Variants in HSPG2 observed in about 807,000 individuals in gnomAD.
The protein encoded by HSPG2 is basement membrane-specific heparan sulfate proteoglycan core protein.
Under a neutral mutation model 526.6 loss-of-function variants are expected in HSPG2, and 278 were observed. That is an observed-to-expected ratio of 0.53 (90% confidence interval 0.48 to 0.58). The LOEUF (loss-of-function observed/expected upper bound fraction) is 0.58, where lower values mean the gene tolerates loss of function less well. HSPG2 is among the 20% of genes least tolerant of loss of function. The pLI is 0.00. For missense variants in HSPG2, 5,354 were observed against 6,099.5 expected, an observed-to-expected ratio of 0.88 and a Z score of 4.07; for synonymous variants, 2,465 against 2,555.4, an observed-to-expected ratio of 0.96 and a Z score of 1.07.
At position 21,833,843 on chromosome 1, in the gene HSPG2, G is replaced by A. The variant is rs758242960; in HGVS notation, c.10803C>T (p.Tyr3601=). 4.4e-6 allele frequency: 7 copies of A among 1,602,612 alleles called. No homozygotes were observed. In the East Asian group the frequency reaches 1.4e-4, roughly 31 times the overall value. ...TGCTCCAGCTGATGTCAGGAGTGGG[G>A]TAGCCTGAGGCTATGCAGGGGAAGA... ...AAVFPCIASG[Y]PTPDISWSKL... is the part of the protein sequence containing the mutation. Residue 3601 remains tyrosine, a synonymous_variant, in exon 78 of 97, where the codon TAC becomes TAT. Transcript: ENST00000374695.
intron 1 of HSPG2, among the ~76,000 whole-genome samples, chr1:21,925,597 T>C (rs954158583): frequency 2.0e-5 from 3 of 152,094 alleles, no homozygotes; most frequent in African/African-American, 7.2e-5. Flanking sequence ...ATCACTGGGT[T>C]GAAATGGAAG....
chr1:21,883,104 C>T (rs1641632113), intron 13 of HSPG2, among the ~76,000 whole-genome samples: 2 of 152,150 alleles, frequency 1.3e-5, no homozygotes, highest in Admixed American at 6.5e-5. Context: ...AGCTCCCCCT[C>T]TAAACTGCTG....
At chr1:21,869,322 T>G in intron 33 of HSPG2, 1 of 359,840 alleles carries the variant, frequency 2.8e-6, no homozygotes, top group South Asian at 1.1e-4. Flanking sequence ...CCAGCCTGAG[T>G]TGGTACATGA....
chr1:21,935,108 T>C (rs1644454410), intron 1 of HSPG2, among the ~76,000 whole-genome samples: 1 of 151,526 alleles, frequency 6.6e-6, no homozygotes, highest in Non-Finnish European at 1.5e-5. Context: ...GGTTTCACTA[T>C]GTTGGCCAGG....
chr1:21,865,272 A>G lies in HSPG2; in HGVS notation c.4395+13T>C, dbSNP rs764250444. On this transcript the variant is annotated intron_variant, in intron 35 of 96. Transcript: ENST00000374695. This position sits in a 1 kb window ranked among gnomAD's most constrained non-coding sequence, Gnocchi z 5.4. Reference sequence around the variant, plus strand: ...GGGTGGGGTTAGACACAGCATGGCCAGGTGCCCCTTACCTCTCGGAACATG... The same window carrying G: ...GGGTGGGGTTAGACACAGCATGGCCGGGTGCCCCTTACCTCTCGGAACATG... The G allele has an allele frequency of 6.2e-7, 1 of 1,613,128 alleles. No individual in the cohort carries two copies. The highest frequency in any genetic ancestry group is 8.5e-7 in the Non-Finnish European group (1 of 1,179,438).
In HSPG2 at chr1:21,868,196, G is replaced by A. The variant is rs372476147; in HGVS notation, c.4222-2387C>T. Among the ~76,000 whole-genome samples the A allele has an allele frequency of 6.8e-4, 101 of 149,142 alleles. 2 individuals are homozygous for A. The East Asian group carries it at 0.018, about 26-fold the overall frequency. On this transcript the variant is annotated intron_variant, in intron 33 of 96. Coordinates refer to ENST00000374695, the MANE Select transcript of HSPG2 (RefSeq NM_005529.7). ...TGAGATTACAGGCACCCGCCACCAC[G>A]CCCAGCTAATTTTTGTTATTTTAGT...
intron 77 of HSPG2, 92 bp from the exon 78 acceptor site, chr1:21,834,017 C>T: frequency 2.3e-6 from 2 of 852,114 alleles, no homozygotes; most frequent in South Asian, 2.9e-5. Context: ...TTCACACCAC[C>T]CCTTGAAGGA....
intron 95 of HSPG2, 148 bp downstream of exon 95, chr1:21,823,973 G>A (rs2097960271): frequency 4.6e-6 from 4 of 873,426 alleles, no homozygotes; most frequent in East Asian, 2.6e-5. Context: ...ATGGAAGCCC[G>A]AGCCCTGGCT....
intron 91 of HSPG2, among the ~76,000 whole-genome samples, chr1:21,825,817 G>A (rs575766065): frequency 6.6e-6 from 1 of 152,174 alleles, no homozygotes; most frequent in East Asian, 1.9e-4. Context: ...ATGGAGTCTC[G>A]CTCCGTGGCC....
At chr1:21,849,573 T>A (rs1375972004) in intron 57 of HSPG2, among the ~76,000 whole-genome samples, 2 of 152,144 alleles carry the variant, frequency 1.3e-5, no homozygotes, top group Admixed American at 1.3e-4. Context: ...CATAAAATCA[T>A]AGGACACTGA....
At chr1:21,878,064 C>T (rs1641218309) in intron 21 of HSPG2, 122 bp downstream of exon 21, 3 of 903,622 alleles carry the variant, frequency 3.3e-6, no homozygotes, top group East Asian at 5.3e-5. Flanking sequence ...GTCCACCAGC[C>T]TCTGACTGGG....
intron 1 of HSPG2, among the ~76,000 whole-genome samples, chr1:21,929,793 G>A (rs956791733): frequency 6.6e-5 from 10 of 151,858 alleles, no homozygotes; most frequent in South Asian, 2.1e-4. Context: ...TTTCTGTCCC[G>A]CCCCACATCC....
intron 17 of HSPG2, among the ~76,000 whole-genome samples, chr1:21,879,746 G>A (rs1353228912): frequency 6.6e-6 from 1 of 151,712 alleles, no homozygotes; most frequent in East Asian, 2.0e-4. Flanking sequence ...TCCACCTCCC[G>A]GGTTCAAGCG....
intron 33 of HSPG2, chr1:21,868,998 G>A (rs1285719431): frequency 1.4e-5 from 7 of 513,940 alleles, no homozygotes; most frequent in African/African-American, 2.1e-5. Context: ...GGTAAGAGCC[G>A]AGGGGAGCAG....
In HSPG2 at chr1:21,885,408, T is replaced by G; in HGVS notation, c.1122A>C (p.Arg374=). 1 of 1,614,038 alleles carries G rather than the reference T, an allele frequency of 6.2e-7. No homozygotes were observed. Among genetic ancestry groups the G allele is most frequent in the Non-Finnish European group, 8.5e-7 (1 of 1,179,984 alleles). Residue 374 remains arginine, a synonymous_variant, in exon 10 of 97, where the codon CGA becomes CGC. Coordinates refer to ENST00000374695, the MANE Select transcript of HSPG2 (RefSeq NM_005529.7). ...PEEVCGPTQF[R]CVSTNMCIPA... is the part of the protein sequence containing the mutation. ...GGATGCACATGTTGGTAGAGACGCA[T>G]CGGAACTGTGTGGGCCCGCACACTT... is the stretch of plus-strand genomic sequence containing the variant.
At chr1:21,871,697 C>T (rs11586789) in intron 33 of HSPG2, among the ~76,000 whole-genome samples, 13,898 of 152,182 alleles carry the variant, frequency 0.091, 1,337 homozygotes, top group African/African-American at 0.25. Flanking sequence ...CTGTCTCACA[C>T]AGTTGTGATT....
At chr1:21,912,864 C>T (rs1237302919) in intron 1 of HSPG2, among the ~76,000 whole-genome samples, 1 of 152,040 alleles carries the variant, frequency 6.6e-6, no homozygotes, top group East Asian at 1.9e-4. Context: ...CCTATAATCT[C>T]AGCTACCTGG....
chr1:21,916,374 G>A (rs1236075235), intron 1 of HSPG2, among the ~76,000 whole-genome samples: 1 of 152,072 alleles, frequency 6.6e-6, no homozygotes, highest in Non-Finnish European at 1.5e-5. Context: ...GCGTGGTGGC[G>A]TGCACCTGTA....
chr1:21,853,756 T>TAAAAC (rs1351189820), intron 50 of HSPG2: 1 of 106,924 alleles, frequency 9.4e-6, no homozygotes, highest in Non-Finnish European at 2.1e-5. Flanking sequence ...CTCAAAAAAA[T>TAAAAC]AAAATAAAAT....
Sources: gnomAD v4.1 joint callset for allele counts (sites outside exome capture counted in the v4.1 genomes callset) on GRCh38, gnomAD v4.1.1 for gene constraint, Gnocchi (gnomAD v3.1) non-coding constraint, MANE v1.5 for transcripts, NCBI Gene and HGNC (gene_info 2026-07-23, HGNC 2026-07-21) for gene names.